Variants in OR52N4 observed in about 807,000 individuals in gnomAD.
OR52N4 encodes olfactory receptor family 52 subfamily N member 4.
In OR52N4, 15 loss-of-function variants were observed where a neutral mutation model predicts 15.0. The observed-to-expected ratio is 1.00, with a 90% CI of 0.67 to 1.54. The LOEUF (loss-of-function observed/expected upper bound fraction) is 1.54, where lower values mean the gene tolerates loss of function less well. Among genes scored for constraint, OR52N4 ranks in the 40% most tolerant of loss-of-function variants. The pLI, the probability that OR52N4 is intolerant of heterozygous loss-of-function variation, is 0.00. For missense variants in OR52N4, 421 were observed against 394.0 expected, an observed-to-expected ratio of 1.07 and a Z score of -0.58; for synonymous variants, 143 against 143.7, an observed-to-expected ratio of 1.00 and a Z score of 0.03.
the OR52N4 span, among the ~76,000 whole-genome samples, chr11:5,727,630 T>C: frequency 6.6e-6 from 1 of 152,226 alleles, no homozygotes; most frequent in East Asian, 1.9e-4. Flanking sequence ...CATTCTTTCT[T>C]TCCTTTCAGA....
At chr11:5,740,648 A>C in the OR52N4 span, among the ~76,000 whole-genome samples, 1 of 124,894 alleles carries the variant, frequency 8.0e-6, no homozygotes, top group Non-Finnish European at 1.8e-5. Context: ...CTCTACAAAA[A>C]ATACAAAAAT....
the OR52N4 span, among the ~76,000 whole-genome samples, chr11:5,733,058 G>A: frequency 6.6e-6 from 1 of 152,036 alleles, no homozygotes; most frequent in Non-Finnish European, 1.5e-5. Context: ...TTAAAATAAA[G>A]CTGTCTCACC....
chr11:5,752,491 A>G (rs1277194985), upstream of OR52N4, among the ~76,000 whole-genome samples: 2 of 152,164 alleles, frequency 1.3e-5, no homozygotes, highest in Non-Finnish European at 2.9e-5. Flanking sequence ...ATTTGGTGGC[A>G]CTCATGATTC....
At chr11:5,737,720 C>A in the OR52N4 span, 3 of 411,598 alleles carry the variant, frequency 7.3e-6, no homozygotes, top group Admixed American at 4.0e-5. Flanking sequence ...TCTGCCAAAT[C>A]AAATTGGATT....
chr11:5,752,589 G>A (rs1854212764), upstream of OR52N4, among the ~76,000 whole-genome samples: 1 of 152,112 alleles, frequency 6.6e-6, no homozygotes, highest in Non-Finnish European at 1.5e-5. Flanking sequence ...CTTAAAATGT[G>A]GTAGCATGTT....
chr11:5,731,974 G>A, the OR52N4 span, among the ~76,000 whole-genome samples: 20 of 152,182 alleles, frequency 1.3e-4, 1 homozygote, highest in African/African-American at 4.8e-4. Context: ...TGTATACTTT[G>A]TGGAATGATT....
chr11:5,742,523 T>G, the OR52N4 span, among the ~76,000 whole-genome samples: 264 of 152,284 alleles, frequency 1.7e-3, 1 homozygote, highest in Middle Eastern at 6.8e-3. Flanking sequence ...AACAAAGTAC[T>G]CCTCAACAGA....
At chr11:5,754,227 T>G (rs1854249470), upstream of OR52N4, 1 of 152,570 alleles carries the variant, frequency 6.6e-6, no homozygotes, top group African/African-American at 2.4e-5. Context: ...AGTGCCTGAG[T>G]ACCCAAGAAT....
chr11:5,728,921 G>C, the OR52N4 span, among the ~76,000 whole-genome samples: 1 of 151,700 alleles, frequency 6.6e-6, no homozygotes, highest in African/African-American at 2.4e-5. Context: ...TTAAGTTCTA[G>C]GGTACATGTG....
At chr11:5,743,906 G>GAT in the OR52N4 span, among the ~76,000 whole-genome samples, 1 of 151,880 alleles carries the variant, frequency 6.6e-6, no homozygotes, top group African/African-American at 2.4e-5. Context: ...ATGAAATTGA[G>GAT]ACAGAAAAAT....
chr11:5,738,163 G>A, the OR52N4 span: 4 of 152,246 alleles, frequency 2.6e-5, no homozygotes, highest in East Asian at 1.9e-4. Flanking sequence ...TTCACATATT[G>A]TAAGCCCAAA....
At chr11:5,726,502 A>G in the OR52N4 span, 1 of 150,232 alleles carries the variant, frequency 6.7e-6, no homozygotes, top group Admixed American at 6.7e-5. Flanking sequence ...TGGCCACAAC[A>G]TGGAATCTCC....
the OR52N4 span, among the ~76,000 whole-genome samples, chr11:5,727,988 C>G: frequency 4.6e-5 from 7 of 152,212 alleles, no homozygotes; most frequent in African/African-American, 2.4e-5. Flanking sequence ...CCACCAGCAT[C>G]CACAATGTTA....
At chr11:5,732,770 G>A in the OR52N4 span, among the ~76,000 whole-genome samples, 10 of 152,046 alleles carry the variant, frequency 6.6e-5, no homozygotes, top group Non-Finnish European at 1.3e-4. Context: ...TTCTCAAATT[G>A]TTCCTTTGCT....
At chr11:5,752,819 T>G (rs1854217846), upstream of OR52N4, among the ~76,000 whole-genome samples, 1 of 152,184 alleles carries the variant, frequency 6.6e-6, no homozygotes, top group South Asian at 2.1e-4. Context: ...TCTCTCTCAC[T>G]TTTTAAAAAG....
At chr11:5,727,000 G>A in the OR52N4 span, 12 of 152,886 alleles carry the variant, frequency 7.8e-5, no homozygotes, top group African/African-American at 2.9e-4. Context: ...TCTTTATTGG[G>A]CGTTTGAACT....
chr11:5,737,213 T>A, the OR52N4 span: 1 of 1,614,144 alleles, frequency 6.2e-7, no homozygotes, highest in Non-Finnish European at 8.5e-7. Context: ...GATTCTGTAC[T>A]CTGTACTTAG....
the OR52N4 span, chr11:5,736,823 C>T: frequency 6.2e-7 from 1 of 1,613,958 alleles, no homozygotes; most frequent in Non-Finnish European, 8.5e-7. Flanking sequence ...GGTTATTAGC[C>T]TCCCTGAGTG....
In OR52N4 at chr11:5,755,819, T is replaced by C; in HGVS notation, c.*113T>C. ...ACTGTATTGATCACAAAATGGAGTT[T>C]GTTAACTGGTGCATTCTCAATAAGT... On this transcript the variant is annotated 3_prime_UTR_variant, in exon 2 of 2. Coordinates refer to ENST00000641350, the MANE Select transcript of OR52N4 (RefSeq NM_001005175.5). 8.0e-7 allele frequency: 1 copy of C among 1,244,900 alleles called. No individual in the cohort carries two copies. The highest frequency in any genetic ancestry group is 1.1e-6 in the Non-Finnish European group (1 of 912,350). 77.1% of individuals were successfully genotyped at this position (1,244,900 alleles called of 1,614,324 possible).
Sources: gnomAD v4.1 joint callset for allele counts (sites outside exome capture counted in the v4.1 genomes callset) on GRCh38, gnomAD v4.1.1 for gene constraint, MANE v1.5 for transcripts, NCBI Gene and HGNC (gene_info 2026-07-23, HGNC 2026-07-21) for gene names.